Variants in GRID2 observed in about 807,000 individuals in gnomAD.
GRID2 encodes the protein glutamate ionotropic receptor delta type subunit 2, also known as glutamate receptor ionotropic, delta-2.
Under a neutral mutation model 114.8 loss-of-function variants are expected in GRID2, and 33 were observed. The ratio of observed to expected loss-of-function variants is 0.29; its 90% CI spans 0.22 to 0.38. The LOEUF (loss-of-function observed/expected upper bound fraction) is 0.38. GRID2 is among the 10% of genes least tolerant of loss of function. GRID2 has a pLI of 1.00. For missense variants in GRID2, 1,184 were observed against 1,257.7 expected (o/e 0.94, Z 0.89); for synonymous variants, 505 against 449.9 (o/e 1.12, Z -1.55).
At chr4:92,740,901 C>T (rs1375848408) in intron 2 of GRID2, among the ~76,000 whole-genome samples, 1 of 152,088 alleles carries the variant, frequency 6.6e-6, no homozygotes, top group Non-Finnish European at 1.5e-5. Context: ...TGCCTGCCAC[C>T]ATGCCTGACT....
chr4:93,338,108 A>G (rs6820920), intron 8 of GRID2, among the ~76,000 whole-genome samples: 13,144 of 152,194 alleles, frequency 0.086, 819 homozygotes, highest in African/African-American at 0.17. Flanking sequence ...TAAATGATGA[A>G]GTATATGTCT....
intron 2 of GRID2, among the ~76,000 whole-genome samples, chr4:92,990,600 C>G (rs756468188): frequency 6.6e-6 from 1 of 151,766 alleles, no homozygotes. Context: ...CAGGGGTGAG[C>G]CACCACACCC....
chr4:93,180,723 C>T (rs563988834), intron 4 of GRID2, among the ~76,000 whole-genome samples: 154 of 152,276 alleles, frequency 1.0e-3, no homozygotes, highest in Non-Finnish European at 1.9e-3. Context: ...ATAGACTCCA[C>T]TTCAAGAAAC....
intron 11 of GRID2, among the ~76,000 whole-genome samples, chr4:93,462,676 A>G (rs1044881830): frequency 1.3e-5 from 2 of 152,206 alleles, no homozygotes; most frequent in Admixed American, 1.3e-4. Flanking sequence ...ATGGGAGACC[A>G]TCTCTTTAAA....
intron 4 of GRID2, among the ~76,000 whole-genome samples, chr4:93,194,740 T>C (rs1349118506): frequency 1.3e-5 from 2 of 152,198 alleles, no homozygotes; most frequent in Non-Finnish European, 2.9e-5. Context: ...ACCAGGACTC[T>C]TCATAAAACA....
chr4:93,253,125 G>A lies in GRID2; in HGVS notation c.1245+14635G>A, dbSNP rs1037860104. Among the ~76,000 whole-genome samples the A allele has an allele frequency of 2.8e-4, 43 of 151,610 alleles. No individual in the cohort carries two copies. The South Asian group carries it at 7.7e-3, about 27-fold the overall frequency. The stretch of plus-strand genomic sequence containing the variant: ...AAAAAAATTAGCTGGGTGTGGTGGC[G>A]GGTGCCTGTAGTCCCAGCTACTCAG... On this transcript the variant is annotated intron_variant, in intron 8 of 15. Transcript: ENST00000282020.
chr4:93,058,882 A>T (rs1044213831), intron 2 of GRID2, among the ~76,000 whole-genome samples: 1 of 152,024 alleles, frequency 6.6e-6, no homozygotes, highest in African/African-American at 2.4e-5. Context: ...AAATAACTGC[A>T]TTATAAAAGA....
chr4:93,139,533 C>A (rs1176899257), intron 4 of GRID2, among the ~76,000 whole-genome samples: 1 of 152,128 alleles, frequency 6.6e-6, no homozygotes, highest in African/African-American at 2.4e-5. Context: ...AAACTTCCTC[C>A]TTTGCTTTTC....
chr4:92,893,513 A>C (rs555438066), intron 2 of GRID2, among the ~76,000 whole-genome samples: 4 of 152,232 alleles, frequency 2.6e-5, no homozygotes, highest in African/African-American at 9.6e-5. Flanking sequence ...CTGTGTTCTC[A>C]CCTGCAAGAT....
At chr4:93,558,032 G>C (rs1734489522) in intron 13 of GRID2, among the ~76,000 whole-genome samples, 1 of 152,108 alleles carries the variant, frequency 6.6e-6, no homozygotes, top group South Asian at 2.1e-4. Flanking sequence ...TAAGTTCTTT[G>C]ACATCAATAA....
chr4:92,585,837 T>C (rs1224627878), intron 1 of GRID2, among the ~76,000 whole-genome samples: 1 of 151,938 alleles, frequency 6.6e-6, no homozygotes. Context: ...AATTACCTTG[T>C]GTATGATTAT....
intron 1 of GRID2, among the ~76,000 whole-genome samples, chr4:92,538,208 A>T (rs34154904): frequency 0.22 from 33,239 of 152,132 alleles, 3,926 homozygotes; most frequent in South Asian, 0.29. Context: ...TGAGAAACAG[A>T]TTGTAATCTG....
intron 1 of GRID2, among the ~76,000 whole-genome samples, chr4:92,530,508 G>GAAAAAAAAA (rs70942906): frequency 2.8e-5 from 3 of 107,230 alleles, no homozygotes; most frequent in African/African-American, 6.7e-5. Context: ...GACTAGTACA[G>GAAAAAAAAA]AAAAAAAAAA....
intron 1 of GRID2, among the ~76,000 whole-genome samples, chr4:92,406,232 G>T (rs200694859): frequency 1.3e-5 from 2 of 152,102 alleles, no homozygotes; most frequent in East Asian, 3.9e-4. Flanking sequence ...ATCCAATCAA[G>T]TTGACACTCC....
intron 14 of GRID2, among the ~76,000 whole-genome samples, chr4:93,739,014 G>A (rs770971140): frequency 2.0e-5 from 3 of 151,852 alleles, no homozygotes; most frequent in Non-Finnish European, 4.4e-5. Context: ...TATAGGATGG[G>A]TATATTTTCC....
At chr4:92,852,431 A>C (rs1364206488) in intron 2 of GRID2, among the ~76,000 whole-genome samples, 1 of 151,786 alleles carries the variant, frequency 6.6e-6, no homozygotes, top group African/African-American at 2.4e-5. Context: ...ACTGTCTTCC[A>C]CCTTAAAATA....
At chr4:92,330,146 T>C (rs1216034411) in intron 1 of GRID2, among the ~76,000 whole-genome samples, 4 of 152,140 alleles carry the variant, frequency 2.6e-5, no homozygotes, top group East Asian at 1.9e-4. Context: ...TAATCCATTG[T>C]GGGCCACATT....
intron 4 of GRID2, among the ~76,000 whole-genome samples, chr4:93,125,610 T>A (rs1160035): frequency 6.6e-6 from 1 of 151,890 alleles, no homozygotes; most frequent in Non-Finnish European, 1.5e-5. Flanking sequence ...CCATTTAAAA[T>A]TTATTGTGTA....
intron 8 of GRID2, among the ~76,000 whole-genome samples, chr4:93,365,591 T>C (rs972258863): frequency 2.6e-5 from 4 of 152,164 alleles, no homozygotes; most frequent in African/African-American, 9.7e-5. Context: ...CGGTGGTTTC[T>C]GCTTTGAGTA....
Sources: gnomAD v4.1 joint callset for allele counts (sites outside exome capture counted in the v4.1 genomes callset) on GRCh38, gnomAD v4.1.1 for gene constraint, MANE v1.5 for transcripts, NCBI Gene and HGNC (gene_info 2026-07-23, HGNC 2026-07-21) for gene names.